The following LARGE1 variants were observed in gnomAD, a reference collection of about 807,000 sequenced individuals.
The protein encoded by LARGE1 is LARGE xylosyl- and glucuronyltransferase 1.
LARGE1 carries 43 observed loss-of-function variants against 87.6 expected under a neutral mutation model. That is an observed-to-expected ratio of 0.49 (90% CI 0.38 to 0.63). LARGE1 has a LOEUF of 0.63. Among genes scored for constraint, LARGE1 ranks in the 30% least tolerant of loss-of-function variants. The pLI is 0.00. For missense variants in LARGE1, 802 were observed against 1,000.2 expected, an observed-to-expected ratio of 0.80 and a Z score of 2.67; for synonymous variants, 434 against 394.6, an observed-to-expected ratio of 1.10 and a Z score of -1.18.
chr22:33,228,010 C>A (rs1189117021), intron 11 of LARGE1, among the ~76,000 whole-genome samples: 1 of 152,184 alleles, frequency 6.6e-6, no homozygotes, highest in African/African-American at 2.4e-5. Context: ...TATTTCTATT[C>A]ATTCATTCAA....
At chr22:33,837,279 C>CACACACACACACACAT (rs1491397964) in intron 1 of LARGE1, among the ~76,000 whole-genome samples, 6 of 151,636 alleles carry the variant, frequency 4.0e-5, no homozygotes, top group East Asian at 1.9e-4. Context: ...CACACACACA[C>CACACACACACACACAT]ACCTATACAT....
chr22:33,278,190 A>G (rs2145840423), intron 13 of LARGE1, among the ~76,000 whole-genome samples: 1 of 152,336 alleles, frequency 6.6e-6, no homozygotes, highest in Non-Finnish European at 1.5e-5. Flanking sequence ...CATGTGGCAA[A>G]TTAACTAGAC....
At chr22:33,401,103 C>T (rs2065912955) in intron 7 of LARGE1, among the ~76,000 whole-genome samples, 1 of 152,152 alleles carries the variant, frequency 6.6e-6, no homozygotes, top group African/African-American at 2.4e-5. Context: ...ACGTTCCCAG[C>T]AATGGCTGTG....
intron 1 of LARGE1, among the ~76,000 whole-genome samples, chr22:33,788,043 G>C (rs1209935566): frequency 6.6e-6 from 1 of 152,182 alleles, no homozygotes; most frequent in African/African-American, 2.4e-5. Context: ...GCATCCAGCT[G>C]GTTCTCAGCT....
chr22:33,249,034 C>T (rs574520538), intron 11 of LARGE1, among the ~76,000 whole-genome samples: 7 of 152,232 alleles, frequency 4.6e-5, no homozygotes, highest in Admixed American at 2.6e-4. Context: ...TGTAGGTTTT[C>T]GTGTGGACAT....
chr22:33,621,060 A>G (rs2079735427), intron 4 of LARGE1, among the ~76,000 whole-genome samples: 1 of 152,214 alleles, frequency 6.6e-6, no homozygotes, highest in African/African-American at 2.4e-5. Context: ...ATGTGTGTGT[A>G]TACTGAAATA....
intron 12 of LARGE1, among the ~76,000 whole-genome samples, chr22:33,295,820 G>C (rs1933173828): frequency 6.6e-6 from 1 of 152,116 alleles, no homozygotes; most frequent in African/African-American, 2.4e-5. Context: ...GTCAGACATG[G>C]GCATGTCATC....
At chr22:33,699,082 C>T (rs960720687) in intron 2 of LARGE1, among the ~76,000 whole-genome samples, 1 of 152,136 alleles carries the variant, frequency 6.6e-6, no homozygotes, top group Non-Finnish European at 1.5e-5. Context: ...CTTGAACAAC[C>T]GATGTAAATA....
the LARGE1 span, among the ~76,000 whole-genome samples, chr22:33,133,245 T>G: frequency 6.6e-6 from 1 of 152,184 alleles, no homozygotes; most frequent in South Asian, 2.1e-4. Flanking sequence ...TTTTGTTGCA[T>G]AGGTATACAC....
chr22:33,538,844 T>C (rs1195862656), intron 6 of LARGE1, among the ~76,000 whole-genome samples: 3 of 152,208 alleles, frequency 2.0e-5, no homozygotes, highest in African/African-American at 7.2e-5. Flanking sequence ...GCTGGCAAGT[T>C]TGCTGAATTT....
chr22:33,302,812 G>A (rs984219427), intron 12 of LARGE1, among the ~76,000 whole-genome samples: 1 of 152,138 alleles, frequency 6.6e-6, no homozygotes, highest in Non-Finnish European at 1.5e-5. Flanking sequence ...TTCACACCCT[G>A]GCGTGAGCTC....
intron 11 of LARGE1, among the ~76,000 whole-genome samples, chr22:33,177,390 A>G (rs2146154217): frequency 6.6e-6 from 1 of 152,324 alleles, no homozygotes; most frequent in East Asian, 1.9e-4. Context: ...ATTAGAGAGA[A>G]CATTTATTCT....
intron 11 of LARGE1, among the ~76,000 whole-genome samples, chr22:33,260,519 C>G (rs1927568585): frequency 6.6e-6 from 1 of 152,186 alleles, no homozygotes; most frequent in African/African-American, 2.4e-5. Context: ...CTCGACCCAT[C>G]TGGAGAAATG....
chr22:33,812,202 C>T (rs1462357160), intron 1 of LARGE1, among the ~76,000 whole-genome samples: 1 of 152,186 alleles, frequency 6.6e-6, no homozygotes, highest in African/African-American at 2.4e-5. Flanking sequence ...GTTCCAGGAG[C>T]ACATGCCCCA....
chr22:33,720,978 T>C (rs1170701096), intron 2 of LARGE1, among the ~76,000 whole-genome samples: 1 of 152,150 alleles, frequency 6.6e-6, no homozygotes, highest in African/African-American at 2.4e-5. Context: ...GGGTCCTTAG[T>C]GCTTACGGGA....
In LARGE1 at chr22:33,187,921, CAAAAAAAAAAAAAAAAAAAAAAA is replaced by C. The variant is rs578115819; in HGVS notation, c.1731-21112_1731-21090del. The stretch of plus-strand genomic sequence containing the variant: ...TGGGCAACAGAGTGAGACTCCGTCT[CAAAAAAAAAAAAAAAAAAAAAAA>C]AAAAAAAAAAAAAAAATCACTAAGA... On this transcript the variant is annotated intron_variant, in intron 11 of 11. Transcript: ENST00000608642. Among the ~76,000 whole-genome samples, 116 of 36,908 alleles carry C rather than the reference CAAAAAAAAAAAAAAAAAAAAAAA, an allele frequency of 3.1e-3. 2 individuals are homozygous for C. Among genetic ancestry groups the C allele is most frequent in the Non-Finnish European group, 4.8e-3 (85 of 17,732 alleles). The allele number at this position is 36,908 out of a possible 152,430, so 24.2% of individuals were successfully genotyped here.
At chr22:33,749,722 T>C (rs2084240605) in intron 2 of LARGE1, among the ~76,000 whole-genome samples, 1 of 152,234 alleles carries the variant, frequency 6.6e-6, no homozygotes, top group African/African-American at 2.4e-5. Flanking sequence ...ATTTTTTCGT[T>C]ATACTGGCTT....
At chr22:33,129,541 T>A in the LARGE1 span, among the ~76,000 whole-genome samples, 16 of 152,228 alleles carry the variant, frequency 1.1e-4, no homozygotes, top group South Asian at 4.1e-4. Flanking sequence ...TAATAAAAAA[T>A]ATATATATAC....
intron 1 of LARGE1, among the ~76,000 whole-genome samples, chr22:33,909,527 T>G (rs947773212): frequency 7.6e-6 from 1 of 131,866 alleles, no homozygotes; most frequent in Non-Finnish European, 1.6e-5. Context: ...CTTTTGTTTT[T>G]TTTTTTTTGT....
Sources: gnomAD v4.1 joint callset for allele counts (sites outside exome capture counted in the v4.1 genomes callset) on GRCh38, gnomAD v4.1.1 for gene constraint, MANE v1.5 for transcripts, NCBI Gene and HGNC (gene_info 2026-07-23, HGNC 2026-07-21) for gene names.